CDKAL1: variants seen among roughly 807,000 people sequenced by gnomAD.
CDKAL1 encodes the protein CDKAL1 threonylcarbamoyladenosine tRNA methylthiotransferase, also known as threonylcarbamoyladenosine tRNA methylthiotransferase.
A neutral mutation model predicts 68.2 loss-of-function variants in CDKAL1; 32 were observed. The ratio of observed to expected loss-of-function variants is 0.47; its 90% CI spans 0.35 to 0.63. The LOEUF is 0.63. Among genes scored for constraint, CDKAL1 ranks in the 30% least tolerant of loss-of-function variants. The probability of loss-of-function intolerance (pLI) is 0.00; values close to 1 mark genes in which losing one functional copy is unlikely to be tolerated. For missense variants in CDKAL1, 606 were observed against 696.7 expected (o/e 0.87, Z 1.47); for synonymous variants, 234 against 244.3 (o/e 0.96, Z 0.39).
intron 4 of CDKAL1, among the ~76,000 whole-genome samples, chr6:20,570,065 G>T (rs9465811): frequency 1.3e-5 from 2 of 151,866 alleles, no homozygotes; most frequent in Admixed American, 1.3e-4. Flanking sequence ...TGACTACAGC[G>T]AAAGCTTTTT....
At chr6:21,163,421 C>T (rs770583973) in intron 13 of CDKAL1, among the ~76,000 whole-genome samples, 3 of 152,150 alleles carry the variant, frequency 2.0e-5, no homozygotes, top group Non-Finnish European at 4.4e-5. Context: ...CAGAACCCAC[C>T]GTGGTTTGGG....
chr6:20,682,446 G>A (rs574697518), intron 5 of CDKAL1, among the ~76,000 whole-genome samples: 80 of 152,258 alleles, frequency 5.3e-4, no homozygotes, highest in African/African-American at 1.9e-3. Flanking sequence ...AGCATGGCTG[G>A]AGAGGCCTTA....
intron 9 of CDKAL1, among the ~76,000 whole-genome samples, chr6:20,875,155 C>T (rs909442260): frequency 5.2e-4 from 79 of 151,346 alleles, no homozygotes; most frequent in African/African-American, 1.7e-3. Context: ...AAAAATTAGC[C>T]GGGCGCGGTG....
intron 5 of CDKAL1, among the ~76,000 whole-genome samples, chr6:20,700,124 T>G (rs1771275530): frequency 6.6e-6 from 1 of 152,080 alleles, no homozygotes; most frequent in Non-Finnish European, 1.5e-5. Flanking sequence ...TACTTTAATA[T>G]TTTATTTACT....
intron 10 of CDKAL1, among the ~76,000 whole-genome samples, chr6:20,984,118 C>A (rs1282593521): frequency 6.6e-6 from 1 of 152,210 alleles, no homozygotes; most frequent in Non-Finnish European, 1.5e-5. Context: ...TGTGACTCAG[C>A]ACATTGTCTA....
chr6:21,038,427 G>A lies in CDKAL1; in HGVS notation c.1056-26621G>A, dbSNP rs62403410. ...ACACAGCAGGGCTGGGGGCAGAAGG[G>A]AACAGAATAATCAGCACACACTATA... On this transcript the variant is annotated intron_variant, in intron 11 of 15. Coordinates refer to ENST00000274695, the MANE Select transcript of CDKAL1 (RefSeq NM_017774.3). 4.8e-3 allele frequency among the ~76,000 whole-genome samples: 730 copies of A among 152,278 alleles called. 5 individuals carry two copies. The Middle Eastern group carries it at 0.054, about 11-fold the overall frequency.
At chr6:20,748,555 G>GGAAAAAAAAAAAAAAAAA (rs1773766913) in intron 6 of CDKAL1, among the ~76,000 whole-genome samples, 1 of 28,742 alleles carries the variant, frequency 3.5e-5, no homozygotes, top group African/African-American at 1.2e-4. Context: ...TCTGTTTCTG[G>GGAAAAAAAAAAAAAAAAA]AAAAAAAAAA....
intron 11 of CDKAL1, among the ~76,000 whole-genome samples, chr6:21,001,111 C>T (rs543714505): frequency 6.6e-6 from 1 of 152,260 alleles, no homozygotes; most frequent in Non-Finnish European, 1.5e-5. Flanking sequence ...GTCTACATCA[C>T]TGTTCTCCCC....
At chr6:20,562,374 A>G (rs185890467) in intron 4 of CDKAL1, among the ~76,000 whole-genome samples, 110 of 152,266 alleles carry the variant, frequency 7.2e-4, no homozygotes, top group African/African-American at 2.5e-3. Flanking sequence ...CTGGAATGCT[A>G]TTTACTCTTG....
intron 8 of CDKAL1, among the ~76,000 whole-genome samples, chr6:20,790,464 C>T (rs753463329): frequency 3.3e-5 from 5 of 152,080 alleles, no homozygotes; most frequent in African/African-American, 9.7e-5. Flanking sequence ...AGGGAATGGT[C>T]GGAGAAAGGT....
At chr6:21,181,623 G>A (rs1777792538) in intron 13 of CDKAL1, among the ~76,000 whole-genome samples, 1 of 152,104 alleles carries the variant, frequency 6.6e-6, no homozygotes, top group Admixed American at 6.5e-5. Flanking sequence ...TGTTATAGCA[G>A]CACAAAACAG....
At chr6:20,642,331 T>A (rs979806059) in intron 4 of CDKAL1, among the ~76,000 whole-genome samples, 2 of 151,716 alleles carry the variant, frequency 1.3e-5, no homozygotes, top group African/African-American at 4.8e-5. Flanking sequence ...CTGGAAAAAA[T>A]GTTGTGACTT....
chr6:21,114,926 G>GCTAGTGTACAGGGAATTCATATCTA (rs1562043132), intron 13 of CDKAL1, among the ~76,000 whole-genome samples: 1 of 151,980 alleles, frequency 6.6e-6, no homozygotes, highest in African/African-American at 2.4e-5. Flanking sequence ...ATTCATATCT[G>GCTAGTGTACAGGGAATTCATATCTA]CTAGTGTACA....
intron 5 of CDKAL1, among the ~76,000 whole-genome samples, chr6:20,715,047 C>G (rs1238028262): frequency 2.0e-5 from 3 of 152,078 alleles, no homozygotes; most frequent in African/African-American, 7.2e-5. Flanking sequence ...ATTCATTTTT[C>G]CCTGCCTGTG....
At chr6:20,690,031 A>G (rs1353310936) in intron 5 of CDKAL1, among the ~76,000 whole-genome samples, 2 of 152,242 alleles carry the variant, frequency 1.3e-5, no homozygotes, top group African/African-American at 2.4e-5. Context: ...AATACAATTT[A>G]AAAGTCACCT....
intron 9 of CDKAL1, among the ~76,000 whole-genome samples, chr6:20,883,429 C>T (rs926296127): frequency 6.6e-6 from 1 of 152,228 alleles, no homozygotes; most frequent in Non-Finnish European, 1.5e-5. Context: ...TTCCCTCCCC[C>T]TGAATGTGGG....
At chr6:21,224,208 T>C (rs1436403522) in intron 15 of CDKAL1, among the ~76,000 whole-genome samples, 1 of 152,164 alleles carries the variant, frequency 6.6e-6, no homozygotes. Context: ...TCTGCAGATG[T>C]GATTAAGATA....
intron 5 of CDKAL1, among the ~76,000 whole-genome samples, chr6:20,668,991 A>C (rs1769682273): frequency 6.6e-6 from 1 of 152,216 alleles, no homozygotes. Context: ...GACAAATATC[A>C]GTGTGTCATA....
chr6:21,155,429 G>C (rs1776599230), intron 13 of CDKAL1, among the ~76,000 whole-genome samples: 2 of 152,172 alleles, frequency 1.3e-5, no homozygotes, highest in Non-Finnish European at 2.9e-5. Flanking sequence ...AACATGGAAG[G>C]AGAAGGGGCA....
Sources: allele counts gnomAD v4.1 joint callset (sites outside exome capture counted in the v4.1 genomes callset), GRCh38; gene constraint gnomAD v4.1.1; transcripts MANE v1.5; gene names NCBI Gene and HGNC (gene_info 2026-07-23, HGNC 2026-07-21).